Variants in CRACR2B observed in about 807,000 individuals in gnomAD.
CRACR2B encodes EF-hand calcium-binding domain-containing protein 4A.
CRACR2B carries 50 observed loss-of-function variants against 46.0 expected under a neutral mutation model. The observed-to-expected ratio is 1.09, with a 90% CI of 0.87 to 1.38. The LOEUF (loss-of-function observed/expected upper bound fraction) is 1.38, where lower values mean the gene tolerates loss of function less well. Ranked by LOEUF, CRACR2B falls within the 40% of genes most tolerant of loss-of-function variation. The pLI, the probability that CRACR2B is intolerant of heterozygous loss-of-function variation, is 0.00. For synonymous variants in CRACR2B, 277 were observed against 239.6 expected (o/e 1.16, Z -1.44); for missense variants, 667 against 535.0 (o/e 1.25, Z -2.43).
rs576556081 is a variant in CRACR2B at position 831,045 on chromosome 11, G to A, written c.953+13G>A. On this transcript the variant is annotated intron_variant, in intron 7 of 8. Coordinates refer to ENST00000525077, the MANE Select transcript of CRACR2B (RefSeq NM_001286606.2). The stretch of plus-strand genomic sequence containing the variant: ...AGCAAACCCAACGGTGCCGTGGGAC[G>A]GGGCTGGGCGGGCCCCGGTGCGTGT... 487 of 1,535,186 alleles carry A rather than the reference G, an allele frequency of 3.2e-4. No individual in the cohort carries two copies. Among genetic ancestry groups the A allele is most frequent in the Admixed American group, 2.3e-3 (115 of 50,922 alleles).
Position 829,550 on chromosome 11 carries a change from C to T in CRACR2B, c.458+10C>T, listed in dbSNP as rs1312365788. The T allele has an allele frequency of 6.4e-7, 1 of 1,553,736 alleles. No homozygotes were observed. Among genetic ancestry groups the T allele is most frequent in the Non-Finnish European group, 8.7e-7 (1 of 1,153,698 alleles). On this transcript the variant is annotated intron_variant, in intron 3 of 8. Transcript: ENST00000525077. ...CCCCGGTCCTGGGCAAGTGAGTCGG[C>T]GCTGGCCCCGCTCCCACTGCCCGCT...
rs754019848 is a variant in CRACR2B, at chr11:831,664, T to C, written c.1155T>C (p.Ala385=). The part of the protein sequence containing the change: ...GPTCCCCCCW[A]RPPRRGSGHL... Reference sequence around the variant, plus strand: ...CCTGCTGCTGCTGCTGTTGCTGGGCTCGGCCCCCCAGACGCGGCTCTGGCC... The same window carrying C: ...CCTGCTGCTGCTGCTGTTGCTGGGCCCGGCCCCCCAGACGCGGCTCTGGCC... The change falls in exon 9 of 9, where the codon GCT becomes GCC. Residue 385 remains alanine (A), a synonymous_variant. Transcript: ENST00000525077. 1 of 1,538,784 alleles carries C rather than the reference T, an allele frequency of 6.5e-7. No homozygotes were observed. Among genetic ancestry groups the C allele is most frequent in the Non-Finnish European group, 8.7e-7 (1 of 1,148,758 alleles).
In CRACR2B at chr11:831,667, G is replaced by GCC. The variant is rs1169562651; in HGVS notation, c.1163_1164dup (p.Arg389ProfsTer22). The GCC allele has an allele frequency of 6.5e-7, 1 of 1,535,636 alleles. No individual in the cohort carries two copies. Among genetic ancestry groups the GCC allele is most frequent in the Admixed American group, 2.1e-5 (1 of 46,608 alleles). The stretch of plus-strand genomic sequence containing the variant: ...GCTGCTGCTGCTGTTGCTGGGCTCG[G>GCC]CCCCCCAGACGCGGCTCTGGCCACC... On this transcript the variant is annotated frameshift_variant, in exon 9 of 9. Transcript: ENST00000525077. LOFTEE classifies it high-confidence loss of function.
In CRACR2B at chr11:830,913, G is replaced by C; in HGVS notation, c.834G>C (p.Gln278His). ...AGGCTGCGGAGCACCTGGAGGCACA[G>C]GCCCAGAACTCCCAGCTGTGGCGGG... ...HAQAAEHLEA[Q>H]AQNSQLWRAH... The change falls in exon 7 of 9, where the codon CAG becomes CAC. Residue 278 changes from glutamine (Q) to histidine (H), a missense_variant. Physicochemically the swap from Gln to His is conservative, Grantham distance 24. Coordinates refer to ENST00000525077, the MANE Select transcript of CRACR2B (RefSeq NM_001286606.2). 6.5e-7 allele frequency: 1 copy of C among 1,532,786 alleles called. No individual in the cohort carries two copies. Among genetic ancestry groups the C allele is most frequent in the South Asian group, 1.2e-5 (1 of 83,900 alleles). The allele number at this position is 1,532,786 out of a possible 1,614,324, so 94.9% of individuals were successfully genotyped here. A position where few individuals can be genotyped will look rare whatever the true frequency, so the allele number is the denominator to read the frequency against.
rs1565103549 is a variant in CRACR2B, at chr11:829,973, GCC to G, written c.459-11_459-10del. The G allele has an allele frequency of 6.4e-7, 1 of 1,558,200 alleles. No homozygotes were observed. The highest frequency in any genetic ancestry group is 1.8e-5 in the Admixed American group (1 of 55,748). On this transcript the variant is annotated splice_polypyrimidine_tract_variant and intron_variant, in intron 3 of 8. Coordinates refer to ENST00000525077, the MANE Select transcript of CRACR2B (RefSeq NM_001286606.2). Reference sequence around the variant, plus strand: ...TCTGCCAGCTCCAGCCTCAGTTCCCGCCCGCCCTCCAGGCAGCGGGCTGTGAG... The same window carrying G: ...TCTGCCAGCTCCAGCCTCAGTTCCCGCGCCCTCCAGGCAGCGGGCTGTGAG...
chr11:831,912 G>A lies in CRACR2B; in HGVS notation c.*203G>A, dbSNP rs749746479. 34 of 561,254 alleles carry A rather than the reference G, an allele frequency of 6.1e-5. No individual in the cohort carries two copies. Among genetic ancestry groups the A allele is most frequent in the Non-Finnish European group, 8.9e-5 (30 of 335,780 alleles). The allele number at this position is 561,254 out of a possible 1,614,324, so 34.8% of individuals were successfully genotyped here. A position where few individuals can be genotyped will look rare whatever the true frequency, so the allele number is the denominator to read the frequency against. On this transcript the variant is annotated 3_prime_UTR_variant, in exon 9 of 9. Coordinates refer to ENST00000525077, the MANE Select transcript of CRACR2B (RefSeq NM_001286606.2). ...CCGTGTGTGCCCTCTGCCAGTCTTCGCTCTGTCCCCGTTCAATCAACCCCA... is the reference window on the plus strand; with the variant it reads ...CCGTGTGTGCCCTCTGCCAGTCTTCACTCTGTCCCCGTTCAATCAACCCCA...
chr11:830,303 A>T lies in CRACR2B; in HGVS notation c.659A>T (p.Gln220Leu). The change falls in exon 5 of 9, where the codon CAG (glutamine) becomes CTG (leucine). Residue 220 changes from glutamine to leucine, a missense_variant. Coordinates refer to ENST00000525077, the MANE Select transcript of CRACR2B (RefSeq NM_001286606.2). ...EVRALYEETE[Q>L]LREQSRRPPS... ...CGCGCTCTGTACGAGGAGACGGAGCAGCTTCGGGAGCAGAGCCGGCGCCCG... is the reference window on the plus strand; with the variant it reads ...CGCGCTCTGTACGAGGAGACGGAGCTGCTTCGGGAGCAGAGCCGGCGCCCG... The T allele has an allele frequency of 5.9e-6, 9 of 1,533,780 alleles. No homozygotes were observed. The highest frequency in any genetic ancestry group is 7.0e-6 in the Non-Finnish European group (8 of 1,142,824).
rs983839555 is a variant in CRACR2B, at chr11:828,320, C to A, written c.-288C>A. ...CCAGCTCCTCCTCTCCTGAAGTTGGCAGCCCCTCCTGGGTTCCAGCCTCCT... is the reference window on the plus strand; with the variant it reads ...CCAGCTCCTCCTCTCCTGAAGTTGGAAGCCCCTCCTGGGTTCCAGCCTCCT... On this transcript the variant is annotated 5_prime_UTR_variant, in exon 1 of 9. Transcript: ENST00000525077. The A allele has an allele frequency of 4.4e-5, 18 of 411,352 alleles. No homozygotes were observed. The highest frequency in any genetic ancestry group is 7.8e-5 in the Non-Finnish European group (18 of 230,856). The allele number at this position is 411,352 out of a possible 1,614,324, so 25.5% of individuals were successfully genotyped here.
At chr11:827,589 C>T (rs1428037929), upstream of CRACR2B, 1 of 978,252 alleles carries the variant, frequency 1.0e-6, no homozygotes, top group Non-Finnish European at 1.2e-6. Context: ...GACCTCAGGT[C>T]TAGCCGGCAA....
In CRACR2B at chr11:830,937, G is replaced by A; in HGVS notation, c.858G>A (p.Arg286=). ...EAQAQNSQLW[R]AHEALRTQLE... ...AGGCCCAGAACTCCCAGCTGTGGCG[G>A]GCGCACGAGGCGCTGCGAACGCAGC... is the stretch of plus-strand genomic sequence containing the variant. Residue 286 remains arginine, a synonymous_variant, in exon 7 of 9, where the codon CGG becomes CGA. Coordinates refer to ENST00000525077, the MANE Select transcript of CRACR2B (RefSeq NM_001286606.2). 10 of 1,532,972 alleles carry A rather than the reference G, an allele frequency of 6.5e-6. No homozygotes were observed. Among genetic ancestry groups the A allele is most frequent in the Non-Finnish European group, 8.7e-6 (10 of 1,146,270 alleles). The allele number at this position is 1,532,972 out of a possible 1,614,324, so 95.0% of individuals were successfully genotyped here. A position where few individuals can be genotyped will look rare whatever the true frequency, so the allele number is the denominator to read the frequency against.
In CRACR2B at chr11:828,396, A is replaced by G. The variant is rs1846069244; in HGVS notation, c.-212A>G. 1.7e-6 allele frequency: 1 copy of G among 575,012 alleles called. No individual in the cohort carries two copies. The highest frequency in any genetic ancestry group is 3.0e-6 in the Non-Finnish European group (1 of 338,608). 35.6% of individuals were successfully genotyped at this position (575,012 alleles called of 1,614,324 possible). A position where few individuals can be genotyped will look rare whatever the true frequency, so the allele number is the denominator to read the frequency against. ...ACCCACAGGCCCTGAGCCTACATCA[A>G]CCACCCCAGTGACACCCCAAGCCTG... On this transcript the variant is annotated 5_prime_UTR_variant, in exon 1 of 9. Transcript: ENST00000525077.
At chr11:831,144 TG>T (rs1316050064) in intron 7 of CRACR2B, 79 bp from the exon 8 acceptor site, 1 of 1,601,336 alleles carries the variant, frequency 6.2e-7, no homozygotes, top group Non-Finnish European at 8.5e-7. Flanking sequence ...GCCCGCCCCG[TG>T]GGAAGGAGGA....
intron 2 of CRACR2B, 167 bp from the exon 3 acceptor site, chr11:829,193 G>C: frequency 2.9e-6 from 4 of 1,388,412 alleles, no homozygotes; most frequent in Non-Finnish European, 3.9e-6. Flanking sequence ...GGTAGGGCTG[G>C]GAGCTGGCCT....
At position 830,891 on chromosome 11, in the gene CRACR2B, C is replaced by T; in HGVS notation, c.812C>T (p.Ala271Val). ...RELEQQLHAQAAEHLEAQAQN... is the reference protein window; with the variant it reads ...RELEQQLHAQVAEHLEAQAQN... ...TTAGAGCAGCAGCTGCACGCCCAGG[C>T]TGCGGAGCACCTGGAGGCACAGGCC... Residue 271 changes from alanine to valine, a missense_variant, in exon 7 of 9, where the codon GCT (alanine) becomes GTT (valine). Ala to Val is a moderately conservative substitution (Grantham distance 64). Transcript: ENST00000525077. The T allele has an allele frequency of 6.5e-7, 1 of 1,529,808 alleles. No homozygotes were observed. Among genetic ancestry groups the T allele is most frequent in the Non-Finnish European group, 8.7e-7 (1 of 1,144,010 alleles). The allele number at this position is 1,529,808 out of a possible 1,614,324, so 94.8% of individuals were successfully genotyped here.
intron 6 of CRACR2B, 65 bp from the exon 7 acceptor site, chr11:830,801 G>A (rs1346898155): frequency 1.3e-5 from 20 of 1,483,564 alleles, no homozygotes; most frequent in Admixed American, 2.2e-5. Flanking sequence ...GGGAGCCTGG[G>A]GCACGCGCAG....
rs1000059149 is a variant in CRACR2B at position 827,974 on chromosome 11, C to T, written c.-634C>T. 5.3e-5 allele frequency among the ~76,000 whole-genome samples: 8 copies of T among 152,132 alleles called. No individual in the cohort carries two copies. Among genetic ancestry groups the T allele is most frequent in the Admixed American group, 2.6e-4 (4 of 15,286 alleles). On this transcript the variant is annotated 5_prime_UTR_variant, in exon 1 of 9. Coordinates refer to ENST00000525077, the MANE Select transcript of CRACR2B (RefSeq NM_001286606.2). ...AATCTGGAAGTGTTCCTGAGTGGGG[C>T]GTCAGAGGCGAAGGGCTCTGCAGGC... is the stretch of plus-strand genomic sequence containing the variant.
Position 831,517 on chromosome 11 carries a change from G to A in CRACR2B, c.1026-18G>A, listed in dbSNP as rs746560369. ...AGCTCCCTCAGACCCTCTCAGTGTC[G>A]GACTCCTCCTTCCCTAGGGAGCTGA... On this transcript the variant is annotated intron_variant, in intron 8 of 8. Transcript: ENST00000525077. 3 of 1,566,660 alleles carry A rather than the reference G, an allele frequency of 1.9e-6. No individual in the cohort carries two copies. Among genetic ancestry groups the A allele is most frequent in the South Asian group, 1.2e-5 (1 of 85,162 alleles).
rs1374963307 is a variant in CRACR2B, at chr11:830,602, G to A, written c.694-19G>A. ...GCCGAGCGGCCGGCGGAGGCTCAGT[G>A]GTCCTCCGTGCGTCCCAGAACTTCG... On this transcript the variant is annotated intron_variant, in intron 5 of 8. Coordinates refer to ENST00000525077, the MANE Select transcript of CRACR2B (RefSeq NM_001286606.2). 3 of 1,525,316 alleles carry A rather than the reference G, an allele frequency of 2.0e-6. No homozygotes were observed. The African/African-American group carries it at 5.1e-5, about 26-fold the overall frequency. The allele number at this position is 1,525,316 out of a possible 1,614,324, so 94.5% of individuals were successfully genotyped here.
chr11:827,010 C>T (rs1307215533), upstream of CRACR2B, among the ~76,000 whole-genome samples: 1 of 152,002 alleles, frequency 6.6e-6, no homozygotes, highest in Non-Finnish European at 1.5e-5. Flanking sequence ...GCCCGCCCCC[C>T]GCAGCCTTGT....
Sources: gnomAD v4.1 joint callset for allele counts (sites outside exome capture counted in the v4.1 genomes callset) on GRCh38, gnomAD v4.1.1 for gene constraint, MANE v1.5 for transcripts, NCBI Gene and HGNC (gene_info 2026-07-23, HGNC 2026-07-21) for gene names.